The following SAMMSON variants were observed in gnomAD, a reference collection of about 807,000 sequenced individuals.
The protein encoded by SAMMSON is long intergenic non-protein coding RNA 1212.
chr3:70,143,534 C>G (rs1240854478), intron 4 of SAMMSON, among the ~76,000 whole-genome samples: 3 of 152,142 alleles, frequency 2.0e-5, no homozygotes, highest in African/African-American at 7.2e-5. Context: ...CTGTTCCTGG[C>G]TCCAGGAGGT....
chr3:70,375,046 G>A (rs1703001849), intron 9 of SAMMSON, among the ~76,000 whole-genome samples: 1 of 152,134 alleles, frequency 6.6e-6, no homozygotes, highest in African/African-American at 2.4e-5. Flanking sequence ...ATCTATATGT[G>A]TGCATGCGTG....
chr3:70,178,660 A>T (rs1167496601), intron 4 of SAMMSON, among the ~76,000 whole-genome samples: 1 of 152,222 alleles, frequency 6.6e-6, no homozygotes, highest in Non-Finnish European at 1.5e-5. Context: ...GGGCCATGAA[A>T]AATGATTAGA....
At chr3:70,248,452 A>C (rs576298492) in intron 4 of SAMMSON, among the ~76,000 whole-genome samples, 2 of 152,068 alleles carry the variant, frequency 1.3e-5, no homozygotes, top group Non-Finnish European at 2.9e-5. Flanking sequence ...TGTAGGGTTC[A>C]GGGTAGAAAG....
intron 7 of SAMMSON, among the ~76,000 whole-genome samples, chr3:70,302,067 A>G (rs202108079): frequency 1.8e-3 from 272 of 152,204 alleles, no homozygotes; most frequent in African/African-American, 6.3e-3. Flanking sequence ...TTAATACTAT[A>G]CTTCTATGAG....
intron 4 of SAMMSON, among the ~76,000 whole-genome samples, chr3:70,163,013 T>C (rs2067622207): frequency 6.6e-6 from 1 of 151,824 alleles, no homozygotes; most frequent in African/African-American, 2.4e-5. Flanking sequence ...ATTTTTTTAC[T>C]TTTAATCTTA....
intron 4 of SAMMSON, among the ~76,000 whole-genome samples, chr3:70,106,762 G>T (rs573896305): frequency 6.6e-6 from 1 of 152,252 alleles, no homozygotes; most frequent in African/African-American, 2.4e-5. Context: ...TTCAGCTATG[G>T]TCATTGCGAT....
chr3:70,235,507 A>G (rs895621796), intron 4 of SAMMSON, among the ~76,000 whole-genome samples: 3 of 152,244 alleles, frequency 2.0e-5, no homozygotes, highest in African/African-American at 7.2e-5. Context: ...ACACATGAAT[A>G]CATGGCTCTA....
intron 6 of SAMMSON, among the ~76,000 whole-genome samples, chr3:70,290,646 C>G (rs1413424257): frequency 1.3e-5 from 2 of 152,180 alleles, no homozygotes; most frequent in African/African-American, 4.8e-5. Flanking sequence ...ATGGCGGGCG[C>G]CCCTCCCCTA....
At chr3:70,227,493 G>A (rs886955328) in intron 4 of SAMMSON, among the ~76,000 whole-genome samples, 1 of 152,168 alleles carries the variant, frequency 6.6e-6, no homozygotes, top group Non-Finnish European at 1.5e-5. Context: ...GGAGACTTTT[G>A]CTAGAACAAT....
intron 7 of SAMMSON, among the ~76,000 whole-genome samples, chr3:70,309,327 G>A (rs570074151): frequency 7.9e-5 from 12 of 152,098 alleles, no homozygotes; most frequent in Admixed American, 2.6e-4. Flanking sequence ...ATTAAAAGGA[G>A]GAATTTATAT....
intron 2 of SAMMSON, among the ~76,000 whole-genome samples, chr3:70,402,372 C>T (rs1204471195): frequency 1.3e-5 from 2 of 152,136 alleles, no homozygotes; most frequent in African/African-American, 4.8e-5. Flanking sequence ...CTACAATATG[C>T]ATGCACAGTT....
intron 4 of SAMMSON, among the ~76,000 whole-genome samples, chr3:70,077,089 C>T (rs765070906): frequency 6.6e-5 from 10 of 152,176 alleles, no homozygotes; most frequent in Middle Eastern, 6.8e-3. Flanking sequence ...GTGACTGGCT[C>T]GCCTTTGTGA....
chr3:70,065,859 C>G (rs1337009558), intron 3 of SAMMSON, among the ~76,000 whole-genome samples: 1 of 152,066 alleles, frequency 6.6e-6, no homozygotes, highest in Admixed American at 6.6e-5. Context: ...TATTTTTCAC[C>G]GCTGGTTGCC....
chr3:70,130,360 TA>T (rs1174931045), intron 4 of SAMMSON, among the ~76,000 whole-genome samples: 1 of 152,116 alleles, frequency 6.6e-6, no homozygotes, highest in African/African-American at 2.4e-5. Context: ...AGAGGAATGG[TA>T]TATTTTGCAT....
intron 2 of SAMMSON, among the ~76,000 whole-genome samples, chr3:70,403,259 C>G (rs1286349913): frequency 6.6e-6 from 1 of 152,012 alleles, no homozygotes; most frequent in African/African-American, 2.4e-5. Context: ...GCAGGGAAGC[C>G]AAAGAGGAGA....
At position 70,386,348 on chromosome 3, in the gene SAMMSON, A is replaced by G. The variant is rs140471437; in HGVS notation, n.914-3226A>G. Among the ~76,000 whole-genome samples the G allele has an allele frequency of 1.1e-3, 168 of 152,232 alleles. 1 individual carries two copies. Among genetic ancestry groups the G allele is most frequent in the African/African-American group, 3.9e-3 (162 of 41,564 alleles). On this transcript the variant is annotated intron_variant and non_coding_transcript_variant, in intron 9 of 9. Coordinates refer to ENST00000642114, the Ensembl canonical transcript of SAMMSON. ...ATTCCCCATCTGGTTTACGAGAGACAGAAATGAGATGACTAGAGACAGAAA... is the reference window on the plus strand; with the variant it reads ...ATTCCCCATCTGGTTTACGAGAGACGGAAATGAGATGACTAGAGACAGAAA...
At chr3:70,326,041 T>C (rs938079245) in intron 7 of SAMMSON, among the ~76,000 whole-genome samples, 1 of 152,206 alleles carries the variant, frequency 6.6e-6, no homozygotes, top group Non-Finnish European at 1.5e-5. Context: ...TGATTTTATT[T>C]CAGTCAAAGC....
intron 4 of SAMMSON, among the ~76,000 whole-genome samples, chr3:70,242,369 CT>C (rs1420426969): frequency 6.6e-6 from 1 of 152,090 alleles, no homozygotes; most frequent in East Asian, 1.9e-4. Context: ...AGTTTTTAAA[CT>C]TTTTTCCCAT....
chr3:70,336,934 C>T (rs182253477), intron 7 of SAMMSON, among the ~76,000 whole-genome samples: 5 of 147,632 alleles, frequency 3.4e-5, no homozygotes, highest in South Asian at 2.2e-4. Context: ...CTAGCTATTC[C>T]GGGACCACCA....
Sources: gnomAD v4.1 joint callset for allele counts (sites outside exome capture counted in the v4.1 genomes callset) on GRCh38, gnomAD v4.1.1 for gene constraint, MANE v1.5 for transcripts, NCBI Gene and HGNC (gene_info 2026-07-23, HGNC 2026-07-21) for gene names.